The following FSTL4 variants were observed in gnomAD, a reference collection of about 807,000 sequenced individuals.
FSTL4 encodes the protein follistatin-related protein 4.
Under a neutral mutation model 78.2 loss-of-function variants are expected in FSTL4, and 28 were observed. That is an observed-to-expected ratio of 0.36 (90% CI 0.27 to 0.49). The LOEUF is 0.49. FSTL4 is among the 20% of genes least tolerant of loss of function. The probability of loss-of-function intolerance (pLI) is 0.98; values close to 1 mark genes in which losing one functional copy is unlikely to be tolerated. For missense variants in FSTL4, 922 were observed against 1,084.9 expected (o/e 0.85, Z 2.11); for synonymous variants, 422 against 440.5 (o/e 0.96, Z 0.53).
At chr5:133,771,141 T>G in the FSTL4 span, among the ~76,000 whole-genome samples, 1 of 152,322 alleles carries the variant, frequency 6.6e-6, no homozygotes, top group South Asian at 2.1e-4. Flanking sequence ...TAATATAATT[T>G]GAAGTCAGAC....
At chr5:133,403,476 G>A (rs1434340132) in intron 3 of FSTL4, among the ~76,000 whole-genome samples, 5 of 152,178 alleles carry the variant, frequency 3.3e-5, no homozygotes, top group Non-Finnish European at 5.9e-5. Flanking sequence ...GCTAGGCCTT[G>A]CTCCTCGTGT....
upstream of FSTL4, chr5:133,612,657 G>A (rs1280119899): frequency 1.3e-5 from 2 of 151,778 alleles, no homozygotes; most frequent in Non-Finnish European, 2.9e-5. This position sits in a 1 kb window ranked among gnomAD's most constrained non-coding sequence, Gnocchi z 6.2. Flanking sequence ...GCCACGGCAG[G>A]TGCGCGGAGC....
At chr5:133,654,817 C>T in the FSTL4 span, among the ~76,000 whole-genome samples, 11 of 152,142 alleles carry the variant, frequency 7.2e-5, no homozygotes, top group Admixed American at 6.5e-4. Context: ...CAGGTCCTTC[C>T]CAGAGGTAAC....
chr5:133,464,151 A>G (rs1757652345), intron 3 of FSTL4, among the ~76,000 whole-genome samples: 1 of 152,134 alleles, frequency 6.6e-6, no homozygotes, highest in East Asian at 1.9e-4. Context: ...GATGACACTT[A>G]CACTAAGCAG....
chr5:133,704,601 A>G, the FSTL4 span, among the ~76,000 whole-genome samples: 1 of 152,236 alleles, frequency 6.6e-6, no homozygotes, highest in Non-Finnish European at 1.5e-5. Flanking sequence ...ACACCTGGAT[A>G]TGGCCAGGGG....
intron 6 of FSTL4, among the ~76,000 whole-genome samples, chr5:133,311,180 G>T (rs546677186): frequency 6.6e-6 from 1 of 152,278 alleles, no homozygotes; most frequent in Admixed American, 6.5e-5. Context: ...TCATGAACCA[G>T]GTGTGGGGAG....
the FSTL4 span, among the ~76,000 whole-genome samples, chr5:133,625,626 T>C: frequency 2.7e-5 from 4 of 147,784 alleles, no homozygotes; most frequent in Admixed American, 2.8e-4. Flanking sequence ...TTTCTTTTCT[T>C]ATTTTTATTA....
intron 4 of FSTL4, among the ~76,000 whole-genome samples, chr5:133,385,039 T>C (rs1186730594): frequency 6.6e-6 from 1 of 152,184 alleles, no homozygotes; most frequent in Non-Finnish European, 1.5e-5. Context: ...CATAACAGAC[T>C]GGACGTGCTC....
intron 2 of FSTL4, among the ~76,000 whole-genome samples, chr5:133,572,984 C>T (rs1412949085): frequency 1.3e-5 from 2 of 152,168 alleles, no homozygotes; most frequent in Non-Finnish European, 2.9e-5. Context: ...GTGACTCATG[C>T]ATGTAATCCC....
intron 6 of FSTL4, among the ~76,000 whole-genome samples, chr5:133,252,424 C>T (rs1339748486): frequency 6.6e-6 from 1 of 152,094 alleles, no homozygotes; most frequent in Non-Finnish European, 1.5e-5. Flanking sequence ...AACACAGATT[C>T]TTGCCCCTCT....
the FSTL4 span, among the ~76,000 whole-genome samples, chr5:133,688,273 C>T: frequency 6.6e-6 from 1 of 152,070 alleles, no homozygotes; most frequent in South Asian, 2.1e-4. Flanking sequence ...ATTAGCCAGG[C>T]GTGGTGAAGT....
At chr5:133,759,836 T>TC in the FSTL4 span, among the ~76,000 whole-genome samples, 2 of 152,244 alleles carry the variant, frequency 1.3e-5, no homozygotes, top group African/African-American at 2.4e-5. Flanking sequence ...CATTCTATTG[T>TC]AGATGAGATG....
chr5:133,651,210 A>G, the FSTL4 span, among the ~76,000 whole-genome samples: 2 of 152,022 alleles, frequency 1.3e-5, no homozygotes, highest in Non-Finnish European at 2.9e-5. Context: ...TTTCTTTCCA[A>G]TTTATATAAC....
intron 3 of FSTL4, among the ~76,000 whole-genome samples, chr5:133,448,741 G>GT (rs1004709722): frequency 2.4e-5 from 3 of 127,456 alleles, no homozygotes; most frequent in Non-Finnish European, 3.2e-5. Flanking sequence ...TGCGGGGGCG[G>GT]GGGGGGGGGG....
chr5:133,297,857 C>T (rs1298622620), intron 6 of FSTL4, among the ~76,000 whole-genome samples: 1 of 152,198 alleles, frequency 6.6e-6, no homozygotes, highest in African/African-American at 2.4e-5. Context: ...CCTTGTGGGA[C>T]AGGATGCCAG....
At chr5:133,635,979 C>T in the FSTL4 span, among the ~76,000 whole-genome samples, 2 of 152,160 alleles carry the variant, frequency 1.3e-5, no homozygotes, top group Non-Finnish European at 2.9e-5. Flanking sequence ...TACAGTGTCA[C>T]CTCATAGTGC....
chr5:133,758,768 G>T, the FSTL4 span, among the ~76,000 whole-genome samples: 1 of 152,194 alleles, frequency 6.6e-6, no homozygotes, highest in African/African-American at 2.4e-5. Flanking sequence ...TTTGGGAGGA[G>T]CTTAGCTGGG....
Position 133,400,905 on chromosome 5 carries a change from T to G in FSTL4, c.242A>C (p.Lys81Thr). 6.2e-7 allele frequency: 1 copy of G among 1,613,778 alleles called. No homozygotes were observed. The highest frequency in any genetic ancestry group is 1.3e-5 in the African/African-American group (1 of 75,060). The change falls in exon 4 of 16, where the codon AAG becomes ACG. Residue 81 changes from lysine (K) to threonine (T), a missense_variant. Physicochemically the swap from Lys to Thr is moderately conservative, Grantham distance 78 (BLOSUM62 -1). Coordinates refer to ENST00000265342, the MANE Select transcript of FSTL4 (RefSeq NM_015082.2). ...GCACTGGCATTCGGGCTCCCCTGTC[T>G]TCCTGCTGAGCACGCACCGGCTCCC... ...SRGSRCVLSR[K>T]TGEPECQCLE...
intron 4 of FSTL4, among the ~76,000 whole-genome samples, chr5:133,347,781 T>C (rs1754728316): frequency 1.3e-5 from 2 of 152,340 alleles, no homozygotes; most frequent in South Asian, 4.1e-4. Flanking sequence ...CCCTTACTAT[T>C]CATTAATGGC....
Sources: allele counts gnomAD v4.1 joint callset (sites outside exome capture counted in the v4.1 genomes callset), GRCh38; gene constraint gnomAD v4.1.1; non-coding constraint Gnocchi (gnomAD v3.1); transcripts MANE v1.5; gene names NCBI Gene and HGNC (gene_info 2026-07-23, HGNC 2026-07-21).